ERC2: variants seen among roughly 807,000 people sequenced by gnomAD.
ERC2 encodes the protein ERC protein 2.
ERC2 carries 42 observed loss-of-function variants against 114.8 expected under a neutral mutation model. The ratio of observed to expected loss-of-function variants is 0.37; its 90% confidence interval spans 0.29 to 0.47. The LOEUF is 0.47. ERC2 is among the 20% of genes least tolerant of loss of function. The pLI, the probability that ERC2 is intolerant of heterozygous loss-of-function variation, is 0.99. For synonymous variants in ERC2, 454 were observed against 425.5 expected (o/e 1.07, Z -0.82); for missense variants, 939 against 1,150.7 (o/e 0.82, Z 2.66).
chr3:55,762,572 T>C (rs2067518739), intron 14 of ERC2, among the ~76,000 whole-genome samples: 2 of 152,088 alleles, frequency 1.3e-5, no homozygotes, highest in African/African-American at 4.8e-5. Context: ...GTAATACATA[T>C]TGTAAGCTAG....
chr3:56,436,602 C>T (rs2062030201), intron 1 of ERC2, among the ~76,000 whole-genome samples: 1 of 152,170 alleles, frequency 6.6e-6, no homozygotes, highest in Non-Finnish European at 1.5e-5. Flanking sequence ...ACTCCACCAT[C>T]CTGGATGGTG....
intron 1 of ERC2, among the ~76,000 whole-genome samples, chr3:56,438,288 T>C (rs1048196829): frequency 1.6e-4 from 24 of 152,214 alleles, no homozygotes; most frequent in African/African-American, 5.5e-4. Flanking sequence ...TTGCCCTATC[T>C]GCTTCCTTTT....
intron 1 of ERC2, among the ~76,000 whole-genome samples, chr3:56,446,708 C>G (rs923526109): frequency 1.3e-5 from 2 of 150,404 alleles, no homozygotes; most frequent in Non-Finnish European, 3.0e-5. Flanking sequence ...TCACTGCACC[C>G]TCCAACTCCC....
At chr3:56,173,659 C>G in intron 3 of ERC2, 139 bp from the exon 4 acceptor site, 1 of 681,956 alleles carries the variant, frequency 1.5e-6, no homozygotes, top group Admixed American at 3.1e-5. Flanking sequence ...TCTCTTCCCC[C>G]ACACTCTTTA....
chr3:56,335,400 A>G (rs1271396028), intron 2 of ERC2, among the ~76,000 whole-genome samples: 1 of 152,174 alleles, frequency 6.6e-6, no homozygotes, highest in African/African-American at 2.4e-5. Context: ...AGACGTGATG[A>G]TTTTCAAAGA....
intron 15 of ERC2, among the ~76,000 whole-genome samples, chr3:55,710,531 T>TA (rs2063726009): frequency 6.6e-6 from 1 of 151,982 alleles, no homozygotes; most frequent in Non-Finnish European, 1.5e-5. Flanking sequence ...ATTGAATGGG[T>TA]ACATTTCAAA....
intron 14 of ERC2, among the ~76,000 whole-genome samples, chr3:55,852,751 A>G (rs976142272): frequency 4.6e-5 from 7 of 152,210 alleles, no homozygotes; most frequent in Non-Finnish European, 8.8e-5. Flanking sequence ...ACATTTCACT[A>G]AATTAGTAAT....
chr3:56,277,739 C>T (rs1240648274), intron 3 of ERC2, among the ~76,000 whole-genome samples: 1 of 69,936 alleles, frequency 1.4e-5, no homozygotes, highest in South Asian at 8.7e-4. Context: ...AAAAAACAAG[C>T]CAAATTACCA....
At chr3:56,360,492 G>C (rs1341628174) in intron 2 of ERC2, among the ~76,000 whole-genome samples, 1 of 152,154 alleles carries the variant, frequency 6.6e-6, no homozygotes, top group African/African-American at 2.4e-5. Context: ...GTGAAAACAT[G>C]CTCTCCAAGG....
At chr3:55,730,220 G>A (rs1285404490) in intron 15 of ERC2, among the ~76,000 whole-genome samples, 1 of 152,104 alleles carries the variant, frequency 6.6e-6, no homozygotes, top group East Asian at 1.9e-4. Flanking sequence ...AGATATGAGT[G>A]GTTTGATGGT....
chr3:55,551,339 A>G lies in ERC2; in HGVS notation c.*40-40063T>C, dbSNP rs190894925. Among the ~76,000 whole-genome samples the G allele has an allele frequency of 4.0e-4, 61 of 151,930 alleles. No individual in the cohort carries two copies. In the East Asian group the frequency reaches 0.012, roughly 29 times the overall value. On this transcript the variant is annotated intron_variant, in intron 17 of 17. Coordinates refer to ENST00000288221, the MANE Select transcript of ERC2 (RefSeq NM_015576.3). ...GGAGTTCGAGACCAGCCTGGTCAAC[A>G]TGGTGAAACCGCGTCTCTACTGAAA...
intron 14 of ERC2, among the ~76,000 whole-genome samples, chr3:55,879,099 A>ATTTT (rs3047064): frequency 0.09 from 11,538 of 127,520 alleles, 702 homozygotes; most frequent in South Asian, 0.15. Context: ...CTTTTTCTTA[A>ATTTT]TTTTTTTTTT....
At chr3:55,887,572 G>A (rs558502909) in intron 14 of ERC2, among the ~76,000 whole-genome samples, 2 of 152,094 alleles carry the variant, frequency 1.3e-5, no homozygotes, top group Non-Finnish European at 2.9e-5. Flanking sequence ...ACATAGAGAC[G>A]CTCCTTCTTG....
chr3:55,706,302 T>C (rs915282986), intron 15 of ERC2, among the ~76,000 whole-genome samples: 1 of 152,156 alleles, frequency 6.6e-6, no homozygotes, highest in African/African-American at 2.4e-5. Flanking sequence ...TCTCTCACCA[T>C]GTTTCTGGAG....
intron 2 of ERC2, among the ~76,000 whole-genome samples, chr3:56,345,690 G>C (rs1163225071): frequency 6.6e-6 from 1 of 152,214 alleles, no homozygotes; most frequent in Non-Finnish European, 1.5e-5. Context: ...GTAAGGTTCT[G>C]TAGTGATCAC....
intron 17 of ERC2, among the ~76,000 whole-genome samples, chr3:55,607,419 G>A (rs1171870056): frequency 1.3e-5 from 2 of 152,072 alleles, no homozygotes; most frequent in Non-Finnish European, 2.9e-5. Flanking sequence ...TCTTTGGCTG[G>A]TCCGAAGGGC....
At chr3:55,906,237 C>G (rs1242632801) in intron 13 of ERC2, among the ~76,000 whole-genome samples, 1 of 151,124 alleles carries the variant, frequency 6.6e-6, no homozygotes, top group Non-Finnish European at 1.5e-5. Context: ...TCGAGACCAC[C>G]CTGGCTAACA....
At chr3:55,840,723 C>A (rs1167133686) in intron 14 of ERC2, among the ~76,000 whole-genome samples, 2 of 152,044 alleles carry the variant, frequency 1.3e-5, no homozygotes, top group Admixed American at 1.3e-4. Flanking sequence ...GAACCGGAAA[C>A]AATCCAAATG....
chr3:55,666,489 C>A (rs891063338), intron 17 of ERC2, among the ~76,000 whole-genome samples: 1 of 152,258 alleles, frequency 6.6e-6, no homozygotes, highest in South Asian at 2.1e-4. Flanking sequence ...CTTCAGTCTG[C>A]GGGTCAAACT....
Sources: gnomAD v4.1 joint callset for allele counts (sites outside exome capture counted in the v4.1 genomes callset) on GRCh38, gnomAD v4.1.1 for gene constraint, MANE v1.5 for transcripts, NCBI Gene and HGNC (gene_info 2026-07-23, HGNC 2026-07-21) for gene names.